The following PHF2 variants were observed in gnomAD, a reference collection of about 807,000 sequenced individuals.
PHF2 encodes PHD finger protein 2.
PHF2 carries 27 observed loss-of-function variants against 120.5 expected under a neutral mutation model. That is an observed-to-expected ratio of 0.22 (90% confidence interval 0.17 to 0.31). The LOEUF (loss-of-function observed/expected upper bound fraction) is 0.31. Ranked by LOEUF, PHF2 falls within the 10% of genes least tolerant of loss-of-function variation. The probability of loss-of-function intolerance (pLI) is 1.00; values close to 1 mark genes in which losing one functional copy is unlikely to be tolerated. For synonymous variants in PHF2, 568 were observed against 592.5 expected, an observed-to-expected ratio of 0.96 and a Z score of 0.60; for missense variants, 1,024 against 1,434.8, an observed-to-expected ratio of 0.71 and a Z score of 4.63.
At chr9:93,664,165 G>A (rs551526353) in intron 14 of PHF2, among the ~76,000 whole-genome samples, 1 of 152,344 alleles carries the variant, frequency 6.6e-6, no homozygotes, top group African/African-American at 2.4e-5. Flanking sequence ...TCAGAGCCCG[G>A]TGGCCAGTGG....
intron 12 of PHF2, 117 bp from the exon 13 acceptor site, chr9:93,662,786 AGATG>A: frequency 9.0e-7 from 1 of 1,108,474 alleles, no homozygotes; most frequent in Non-Finnish European, 1.3e-6. Flanking sequence ...GTGGATGGGT[AGATG>A]GATGGAGGCT....
chr9:93,578,187 T>G (rs916653898), intron 1 of PHF2, among the ~76,000 whole-genome samples: 1 of 152,106 alleles, frequency 6.6e-6, no homozygotes, highest in Non-Finnish European at 1.5e-5. Flanking sequence ...TCAGCCCCAG[T>G]CCTGAGTCCT....
chr9:93,614,613 G>A (rs1014328299), intron 1 of PHF2, among the ~76,000 whole-genome samples: 1 of 152,218 alleles, frequency 6.6e-6, no homozygotes, highest in African/African-American at 2.4e-5. Context: ...CGCAGTCCTG[G>A]AGGAATGGAC....
At position 93,592,152 on chromosome 9, in the gene PHF2, G is replaced by A. The variant is rs73518053; in HGVS notation, c.98+15281G>A. ...GGTGGCAGGGCCAGGGGCTCTCAGT[G>A]TGCACCTCCCAGGAGCCCTTTTTCA... is the stretch of plus-strand genomic sequence containing the variant. On this transcript the variant is annotated intron_variant, in intron 1 of 21. Transcript: ENST00000359246. Among the ~76,000 whole-genome samples the A allele has an allele frequency of 2.4e-3, 367 of 152,302 alleles. 2 individuals carry two copies. The highest frequency in any genetic ancestry group is 6.3e-3 in the African/African-American group (262 of 41,566).
chr9:93,672,139 T>C (rs1587722019), intron 17 of PHF2, among the ~76,000 whole-genome samples: 1 of 79,414 alleles, frequency 1.3e-5, no homozygotes, highest in Non-Finnish European at 2.4e-5. Flanking sequence ...CGGATGTAGG[T>C]ACAGGTGTAG....
At chr9:93,647,113 G>GT (rs1450415975) in intron 4 of PHF2, among the ~76,000 whole-genome samples, 3 of 152,196 alleles carry the variant, frequency 2.0e-5, no homozygotes, top group African/African-American at 7.2e-5. Context: ...AGGCAGCCTT[G>GT]TGTACCCCAG....
intron 1 of PHF2, among the ~76,000 whole-genome samples, chr9:93,600,474 T>C (rs1825419838): frequency 6.6e-6 from 1 of 152,234 alleles, no homozygotes; most frequent in Admixed American, 6.5e-5. Context: ...CATGGGACGG[T>C]ATTGCAGTGT....
In PHF2 at chr9:93,677,718, C is replaced by A; in HGVS notation, c.*42C>A. On this transcript the variant is annotated 3_prime_UTR_variant, in exon 22 of 22. Transcript: ENST00000359246. This position sits in a 1 kb window ranked among gnomAD's most constrained non-coding sequence, Gnocchi z 4.4. The stretch of plus-strand genomic sequence containing the variant: ...ATCCTTCTGCTCCGCTCAGGACCCC[C>A]GGAGCCCCGCGAAAACATCTGCCTC... The A allele has an allele frequency of 1.3e-6, 2 of 1,483,508 alleles. No homozygotes were observed. Among genetic ancestry groups the A allele is most frequent in the Non-Finnish European group, 1.9e-6 (2 of 1,067,118 alleles). The allele number at this position is 1,483,508 out of a possible 1,614,324, so 91.9% of individuals were successfully genotyped here.
chr9:93,633,638 A>G (rs941516922), intron 2 of PHF2, among the ~76,000 whole-genome samples: 1 of 152,080 alleles, frequency 6.6e-6, no homozygotes, highest in Non-Finnish European at 1.5e-5. Flanking sequence ...TTTGCTGGTG[A>G]CCTTGGCACG....
intron 1 of PHF2, among the ~76,000 whole-genome samples, chr9:93,628,639 A>G (rs1282883735): frequency 6.6e-6 from 1 of 152,160 alleles, no homozygotes; most frequent in Admixed American, 6.5e-5. Context: ...TATAGCTTCC[A>G]TTCCAGGTAG....
intron 12 of PHF2, among the ~76,000 whole-genome samples, chr9:93,661,313 G>A (rs796635773): frequency 4.6e-5 from 7 of 152,154 alleles, no homozygotes; most frequent in African/African-American, 1.7e-4. Context: ...GCATCACAGG[G>A]GTGTAGTGGG....
intron 1 of PHF2, among the ~76,000 whole-genome samples, chr9:93,587,688 C>T (rs1863081772): frequency 6.6e-6 from 1 of 152,084 alleles, no homozygotes; most frequent in Non-Finnish European, 1.5e-5. Context: ...ACTGCTTCTG[C>T]CCGAGCTCCC....
Position 93,651,658 on chromosome 9 carries a change from G to A in PHF2, c.603-1521G>A, listed in dbSNP as rs574556953. ...ATGCCTGCTCTGTGGCAGGTCTAGG[G>A]TGATGTTCCCACTGCTGGTAATTCA... On this transcript the variant is annotated intron_variant, in intron 5 of 21. Coordinates refer to ENST00000359246, the MANE Select transcript of PHF2 (RefSeq NM_005392.4). Among the ~76,000 whole-genome samples, 16 of 152,316 alleles carry A rather than the reference G, an allele frequency of 1.1e-4. No homozygotes were observed. In the South Asian group the frequency reaches 3.3e-3, roughly 32 times the overall value.
chr9:93,635,063 G>A (rs890101480), intron 2 of PHF2, among the ~76,000 whole-genome samples: 4 of 152,236 alleles, frequency 2.6e-5, no homozygotes, highest in African/African-American at 9.6e-5. Context: ...TTTGAACCCT[G>A]TTTGTTGCTC....
chr9:93,647,625 C>G (rs1826284556), intron 4 of PHF2, among the ~76,000 whole-genome samples: 1 of 152,168 alleles, frequency 6.6e-6, no homozygotes, highest in African/African-American at 2.4e-5. Context: ...CATGGTAGCT[C>G]ACGCCTGTAA....
intron 14 of PHF2, 54 bp downstream of exon 14, chr9:93,663,689 A>G (rs759875514): frequency 4.2e-5 from 41 of 971,790 alleles, no homozygotes; most frequent in Admixed American, 1.4e-4. Context: ...GACATCACAC[A>G]CACCATACAT....
In PHF2 at chr9:93,679,010, A is replaced by G. The variant is rs1396389070; in HGVS notation, c.*1334A>G. 1 of 327,556 alleles carries G rather than the reference A, an allele frequency of 3.1e-6. No individual in the cohort carries two copies. The highest frequency in any genetic ancestry group is 2.2e-5 in the African/African-American group (1 of 44,976). The allele number at this position is 327,556 out of a possible 1,614,324, so 20.3% of individuals were successfully genotyped here. A position where few individuals can be genotyped will look rare whatever the true frequency, so the allele number is the denominator to read the frequency against. ...AGACACATTTTGAAGATGAATCTTC[A>G]ACTTTAATACCAGCTCTTTGTTTTC... On this transcript the variant is annotated 3_prime_UTR_variant, in exon 22 of 22. Coordinates refer to ENST00000359246, the MANE Select transcript of PHF2 (RefSeq NM_005392.4).
At chr9:93,660,754 A>C (rs1257088263) in intron 12 of PHF2, among the ~76,000 whole-genome samples, 194 bp downstream of exon 12, 4 of 152,222 alleles carry the variant, frequency 2.6e-5, no homozygotes, top group Admixed American at 2.0e-4. Context: ...GTCCTGACCC[A>C]GTCCTGCAGC....
chr9:93,666,626 G>A (rs1826686680), intron 16 of PHF2, among the ~76,000 whole-genome samples: 1 of 152,244 alleles, frequency 6.6e-6, no homozygotes, highest in African/African-American at 2.4e-5. Flanking sequence ...AAGGGCAGCG[G>A]CTCTTTAAAA....
Sources: allele counts gnomAD v4.1 joint callset (sites outside exome capture counted in the v4.1 genomes callset), GRCh38; gene constraint gnomAD v4.1.1; non-coding constraint Gnocchi (gnomAD v3.1); transcripts MANE v1.5; gene names NCBI Gene and HGNC (gene_info 2026-07-23, HGNC 2026-07-21).